CFAP97D1: variants seen among roughly 807,000 people sequenced by gnomAD.
CFAP97D1 encodes sperm axonemal maintenance protein CFAP97D1.
CFAP97D1 carries 15 observed loss-of-function variants against 20.5 expected under a neutral mutation model. That is an observed-to-expected ratio of 0.73 (90% CI 0.49 to 1.13). The LOEUF (loss-of-function observed/expected upper bound fraction) is 1.13, where lower values mean the gene tolerates loss of function less well. Among genes scored for constraint, CFAP97D1 ranks in the 50% most tolerant of loss-of-function variants. The pLI is 0.00. For missense variants in CFAP97D1, 168 were observed against 202.9 expected (o/e 0.83, Z 1.04); for synonymous variants, 58 against 71.2 (o/e 0.82, Z 0.93).
rs573252972 is a variant in CFAP97D1 at position 43,781,347 on chromosome 17, TC to T, written c.195+164del. On this transcript the variant is annotated intron_variant, in intron 2 of 5. Transcript: ENST00000449302. ...CACGCGTCACCCCCAGTCGTTTTTTTCCCCCCTGATACGGAGTCTCGCTCTG... is the reference window on the plus strand; with the variant it reads ...CACGCGTCACCCCCAGTCGTTTTTTTCCCCCTGATACGGAGTCTCGCTCTG... Among the ~76,000 whole-genome samples, 736 of 148,410 alleles carry T rather than the reference TC, an allele frequency of 5.0e-3. 5 individuals carry two copies. The highest frequency in any genetic ancestry group is 0.016 in the African/African-American group (645 of 39,416).
Position 43,783,862 on chromosome 17 carries a change from C to T in CFAP97D1, c.464C>T (p.Thr155Ile). The T allele has an allele frequency of 6.5e-7, 1 of 1,550,346 alleles. No homozygotes were observed. Among genetic ancestry groups the T allele is most frequent in the Admixed American group, 2.0e-5 (1 of 50,980 alleles). The change falls in exon 5 of 6, where the codon ACC (threonine) becomes ATC (isoleucine). Residue 155 changes from threonine to isoleucine, a missense_variant. By Grantham distance (89) the Thr-to-Ile change is moderately conservative (BLOSUM62 -1). Transcript: ENST00000449302. ...WQNSRRYIRN[T>I]TRYLLSQNE ...AATTCAAGGCGCTATATCAGAAATA[C>T]CACGAGATATCTTCTCTCCCAAAAT...
At chr17:43,783,528 A>G (rs1297505725) in intron 4 of CFAP97D1, among the ~76,000 whole-genome samples, 3 of 151,786 alleles carry the variant, frequency 2.0e-5, no homozygotes, top group Non-Finnish European at 4.4e-5. Flanking sequence ...CAGTTTCATA[A>G]CATAACAATT....
At position 43,781,844 on chromosome 17, in the gene CFAP97D1, A is replaced by G. The variant is rs1974478218; in HGVS notation, c.266A>G (p.His89Arg). 3.9e-6 allele frequency: 6 copies of G among 1,551,604 alleles called. No individual in the cohort carries two copies. In the East Asian group the frequency reaches 1.5e-4, roughly 38 times the overall value. ...CTGTGTCAGAAAATCGCAAATGCCC[A>G]TCGCGGCCCTGCCAAGGTGGATTGC... ...KQLCQKIANAHRGPAKVDCWN... is the reference protein window; with the variant it reads ...KQLCQKIANARRGPAKVDCWN... The change falls in exon 3 of 6, where the codon CAT becomes CGT. Residue 89 changes from histidine (H) to arginine (R), a missense_variant. Physicochemically the swap from His to Arg is conservative, Grantham distance 29 (BLOSUM62 0). Coordinates refer to ENST00000449302, the MANE Select transcript of CFAP97D1 (RefSeq NM_001136483.3).
chr17:43,781,384 T>G (rs1364585804), intron 2 of CFAP97D1, among the ~76,000 whole-genome samples, 195 bp downstream of exon 2: 1 of 145,066 alleles, frequency 6.9e-6, no homozygotes, highest in African/African-American at 2.5e-5. Flanking sequence ...TTGCCTAGGC[T>G]GGAGTGCACA....
chr17:43,786,762 C>A lies in CFAP97D1; in HGVS notation c.*2380C>A, dbSNP rs552301061. 1.3e-5 allele frequency: 2 copies of A among 152,256 alleles called. No homozygotes were observed. The highest frequency in any genetic ancestry group is 4.8e-5 in the African/African-American group (2 of 41,536). 9.4% of individuals were successfully genotyped at this position (152,256 alleles called of 1,614,324 possible). A position where few individuals can be genotyped will look rare whatever the true frequency, so the allele number is the denominator to read the frequency against. ...ACCTCTCTGTTAGTTCATGGTATTA[C>A]GTAAATGGCGTCATGCAATGTATGT... is the stretch of plus-strand genomic sequence containing the variant. On this transcript the variant is annotated 3_prime_UTR_variant, in exon 6 of 6. Coordinates refer to ENST00000449302, the MANE Select transcript of CFAP97D1 (RefSeq NM_001136483.3).
chr17:43,780,742 T>G (rs1974463348), intron 1 of CFAP97D1, among the ~76,000 whole-genome samples, 156 bp downstream of exon 1: 1 of 152,174 alleles, frequency 6.6e-6, no homozygotes, highest in African/African-American at 2.4e-5. Context: ...AATAACAAAA[T>G]GTATCTTCCA....
intron 3 of CFAP97D1, 184 bp from the exon 4 acceptor site, chr17:43,782,996 C>A: frequency 1.6e-6 from 1 of 633,940 alleles, no homozygotes; most frequent in Non-Finnish European, 2.7e-6. Flanking sequence ...CCTGCGAATG[C>A]GGTGCATGTT....
At position 43,783,205 on chromosome 17, in the gene CFAP97D1, G is replaced by A. The variant is rs1016120917; in HGVS notation, c.340G>A (p.Glu114Lys). 4 of 1,551,518 alleles carry A rather than the reference G, an allele frequency of 2.6e-6. No individual in the cohort carries two copies. The Admixed American group carries it at 5.9e-5, about 23-fold the overall frequency. ...KSLNRETRNR[E>K]LVRITMENQG... ...CTTAAACAGAGAAACAAGGAACCGC[G>A]AGCTAGTGAGAATCACCATGGAAAA... Residue 114 changes from glutamate to lysine, a missense_variant, in exon 4 of 6, where the codon GAG (glutamate) becomes AAG (lysine). Glu to Lys is a moderately conservative substitution (Grantham distance 56). Coordinates refer to ENST00000449302, the MANE Select transcript of CFAP97D1 (RefSeq NM_001136483.3).
chr17:43,781,108 C>G lies in CFAP97D1; in HGVS notation c.125-11C>G. ...GATGTAACATTGTTCCCTTTTATCC[C>G]CCTTCTCTAGCGAAGCCTACTGTTG... On this transcript the variant is annotated splice_polypyrimidine_tract_variant and intron_variant, in intron 1 of 5. Coordinates refer to ENST00000449302, the MANE Select transcript of CFAP97D1 (RefSeq NM_001136483.3). 6.5e-7 allele frequency: 1 copy of G among 1,548,022 alleles called. No homozygotes were observed. The highest frequency in any genetic ancestry group is 8.7e-7 in the Non-Finnish European group (1 of 1,143,808).
intron 4 of CFAP97D1, 58 bp downstream of exon 4, chr17:43,783,361 C>A (rs756935932): frequency 3.3e-6 from 5 of 1,535,980 alleles, no homozygotes; most frequent in Non-Finnish European, 4.4e-6. Context: ...GGTGTTCAGC[C>A]TAGAGAGAGT....
At position 43,781,982 on chromosome 17, in the gene CFAP97D1, G is replaced by T. The variant is rs1038507264; in HGVS notation, c.314+90G>T. The T allele has an allele frequency of 4.8e-6, 4 of 838,366 alleles. No individual in the cohort carries two copies. The African/African-American group carries it at 6.8e-5, about 14-fold the overall frequency. The allele number at this position is 838,366 out of a possible 1,614,324, so 51.9% of individuals were successfully genotyped here. On this transcript the variant is annotated intron_variant, in intron 3 of 5. Coordinates refer to ENST00000449302, the MANE Select transcript of CFAP97D1 (RefSeq NM_001136483.3). ...TGTGAGGTTTTCCCAAGTCAGAGAA[G>T]TACTTAAGGGAAGTTATCTTGAGGG...
chr17:43,784,114 T>G (rs1598305313), intron 5 of CFAP97D1, among the ~76,000 whole-genome samples: 1 of 152,224 alleles, frequency 6.6e-6, no homozygotes, highest in East Asian at 1.9e-4. Flanking sequence ...TCTTTGAGGC[T>G]TTGTGGGAGT....
intron 2 of CFAP97D1, 130 bp from the exon 3 acceptor site, chr17:43,781,641 TCTG>T: frequency 1.5e-6 from 1 of 677,326 alleles, no homozygotes. Context: ...TCTTTTAAGT[TCTG>T]CTTCCAGTCT....
intron 1 of CFAP97D1, among the ~76,000 whole-genome samples, chr17:43,780,809 TAGAA>T (rs1952345269): frequency 1.3e-5 from 2 of 152,264 alleles, no homozygotes; most frequent in Admixed American, 6.5e-5. Context: ...CGAAGTACGT[TAGAA>T]AGGGGATAAG....
chr17:43,781,715 T>G, intron 2 of CFAP97D1, 59 bp from the exon 3 acceptor site: 1 of 1,061,522 alleles, frequency 9.4e-7, no homozygotes, highest in Non-Finnish European at 1.4e-6. Context: ...CACTAAGTCA[T>G]TGTGTGTTGG....
intron 2 of CFAP97D1, among the ~76,000 whole-genome samples, chr17:43,781,453 C>G (rs1468454149): frequency 6.6e-6 from 1 of 152,100 alleles, no homozygotes; most frequent in Non-Finnish European, 1.5e-5. Flanking sequence ...GCCTCAGCCT[C>G]CAGAGTAGCT....
rs2044284356 is a variant in CFAP97D1, at chr17:43,785,201, T to G, written c.*819T>G. 6.6e-6 allele frequency: 1 copy of G among 152,182 alleles called. No homozygotes were observed. The highest frequency in any genetic ancestry group is 2.1e-4 in the South Asian group (1 of 4,828). The allele number at this position is 152,182 out of a possible 1,614,324, so 9.4% of individuals were successfully genotyped here. ...ACAACCCCCAAAGTGGGGCTTAGCC[T>G]GCGAGTGTTCTTGGCTTCACCCAGG... On this transcript the variant is annotated 3_prime_UTR_variant, in exon 6 of 6. Transcript: ENST00000449302.
rs964728057 is a variant in CFAP97D1, at chr17:43,780,592, T to C, written c.124+6T>C. On this transcript the variant is annotated splice_donor_region_variant and intron_variant, in intron 1 of 5. Transcript: ENST00000449302. ...CAAGAATAGAATACAAATAGGTATG[T>C]GGGCAGTTTGGGCTGGACACTGCTA... The C allele has an allele frequency of 3.9e-6, 6 of 1,551,562 alleles. No homozygotes were observed. In the African/African-American group the frequency reaches 8.2e-5, roughly 21 times the overall value.
At chr17:43,784,011 T>C (rs919421470) in intron 5 of CFAP97D1, 118 bp downstream of exon 5, 9 of 668,368 alleles carry the variant, frequency 1.3e-5, no homozygotes, top group African/African-American at 3.6e-5. Flanking sequence ...TCTCATATAA[T>C]ATTGACTAGT....
Sources: allele counts gnomAD v4.1 joint callset (sites outside exome capture counted in the v4.1 genomes callset), GRCh38; gene constraint gnomAD v4.1.1; transcripts MANE v1.5; gene names NCBI Gene and HGNC (gene_info 2026-07-23, HGNC 2026-07-21).